Variants in DPP6 observed in about 807,000 individuals in gnomAD.
DPP6 encodes the protein A-type potassium channel modulatory protein DPP6.
DPP6 carries 69 observed loss-of-function variants against 122.6 expected under a neutral mutation model. The ratio of observed to expected loss-of-function variants is 0.56; its 90% confidence interval spans 0.46 to 0.69. DPP6 has a LOEUF of 0.69. Ranked by LOEUF, DPP6 falls within the 30% of genes least tolerant of loss-of-function variation. The pLI is 0.00. For synonymous variants in DPP6, 418 were observed against 433.1 expected (o/e 0.97, Z 0.43); for missense variants, 928 against 1,116.9 (o/e 0.83, Z 2.41).
chr7:153,784,309 T>G, the DPP6 span, among the ~76,000 whole-genome samples: 6 of 152,238 alleles, frequency 3.9e-5, no homozygotes, highest in Non-Finnish European at 8.8e-5. Context: ...AGCATAAATT[T>G]AATTGTAGAA....
At chr7:153,851,473 T>G in the DPP6 span, among the ~76,000 whole-genome samples, 1 of 152,334 alleles carries the variant, frequency 6.6e-6, no homozygotes, top group African/African-American at 2.4e-5. Context: ...TCTGAAACAT[T>G]ATGTCTAACC....
chr7:154,383,890 C>CAAAAA (rs375015144), intron 1 of DPP6, among the ~76,000 whole-genome samples: 1 of 106,552 alleles, frequency 9.4e-6, no homozygotes, highest in African/African-American at 3.7e-5. Context: ...ACTCTGTCTC[C>CAAAAA]AAAAAAAAAA....
chr7:154,513,745 A>C (rs1303706552), intron 3 of DPP6, among the ~76,000 whole-genome samples: 1 of 152,158 alleles, frequency 6.6e-6, no homozygotes, highest in Non-Finnish European at 1.5e-5. Flanking sequence ...GCTTTGTATG[A>C]GGACAGTTTC....
intron 1 of DPP6, among the ~76,000 whole-genome samples, chr7:153,946,023 A>G (rs1367863084): frequency 6.6e-6 from 1 of 152,176 alleles, no homozygotes; most frequent in African/African-American, 2.4e-5. Context: ...TTTCACCTTC[A>G]TTGAAGCTGC....
At chr7:154,029,531 A>G (rs1799120734) in intron 1 of DPP6, among the ~76,000 whole-genome samples, 1 of 150,002 alleles carries the variant, frequency 6.7e-6, no homozygotes, top group Non-Finnish European at 1.5e-5. Flanking sequence ...AAAAAAAGAA[A>G]GAAATTGCCT....
At chr7:153,911,112 T>C (rs1800072189) in intron 1 of DPP6, among the ~76,000 whole-genome samples, 1 of 152,218 alleles carries the variant, frequency 6.6e-6, no homozygotes. Flanking sequence ...CTGGCTGATG[T>C]AGAGGCCTCC....
At chr7:154,627,818 A>C (rs1026526377) in intron 5 of DPP6, among the ~76,000 whole-genome samples, 2 of 152,244 alleles carry the variant, frequency 1.3e-5, no homozygotes, top group African/African-American at 4.8e-5. Context: ...TGAGAGGTAC[A>C]AATGCAACAG....
At chr7:153,787,348 G>A in the DPP6 span, among the ~76,000 whole-genome samples, 1 of 148,252 alleles carries the variant, frequency 6.7e-6, no homozygotes, top group Non-Finnish European at 1.5e-5. Context: ...AGAAAAAAAG[G>A]CAGCAGTATA....
intron 1 of DPP6, among the ~76,000 whole-genome samples, chr7:154,210,643 T>A (rs1256439872): frequency 6.6e-6 from 1 of 152,016 alleles, no homozygotes; most frequent in Non-Finnish European, 1.5e-5. Context: ...AATTCGTTAA[T>A]GAAGTGACCG....
chr7:154,302,479 C>G (rs1352127990), intron 1 of DPP6, among the ~76,000 whole-genome samples: 1 of 152,210 alleles, frequency 6.6e-6, no homozygotes, highest in Non-Finnish European at 1.5e-5. Flanking sequence ...GCCTGGTTCT[C>G]CACCAGTAAT....
At chr7:154,867,362 G>A (rs981629213) in intron 17 of DPP6, among the ~76,000 whole-genome samples, 7 of 152,176 alleles carry the variant, frequency 4.6e-5, no homozygotes, top group East Asian at 1.9e-4. Flanking sequence ...AAGGTCCAGC[G>A]CATCCACACC....
intron 6 of DPP6, among the ~76,000 whole-genome samples, chr7:154,653,231 A>G (rs962479498): frequency 7.2e-5 from 11 of 152,222 alleles, no homozygotes; most frequent in African/African-American, 2.7e-4. Context: ...GCACATGCCT[A>G]ACGCCCCAAC....
intron 10 of DPP6, among the ~76,000 whole-genome samples, chr7:154,792,133 T>C (rs1563215182): frequency 6.6e-6 from 1 of 152,246 alleles, no homozygotes; most frequent in Non-Finnish European, 1.5e-5. Context: ...GACCTTACAT[T>C]TTCTTTCTTG....
At chr7:153,916,802 T>C (rs939082239) in intron 1 of DPP6, among the ~76,000 whole-genome samples, 7 of 152,244 alleles carry the variant, frequency 4.6e-5, no homozygotes, top group Admixed American at 4.6e-4. Context: ...AATGTATTTC[T>C]TTGCCATTTA....
At chr7:154,076,724 C>A (rs1000904710) in intron 1 of DPP6, among the ~76,000 whole-genome samples, 1 of 151,926 alleles carries the variant, frequency 6.6e-6, no homozygotes, top group Non-Finnish European at 1.5e-5. Context: ...TTAAGCATGG[C>A]GTGAAACAAA....
intron 3 of DPP6, among the ~76,000 whole-genome samples, chr7:154,480,207 C>A (rs1250359266): frequency 6.6e-6 from 1 of 152,182 alleles, no homozygotes; most frequent in Non-Finnish European, 1.5e-5. Flanking sequence ...TACCTTAACA[C>A]AAACACCTCA....
chr7:154,396,274 T>A (rs1267382486), intron 1 of DPP6, among the ~76,000 whole-genome samples: 1 of 152,198 alleles, frequency 6.6e-6, no homozygotes, highest in Admixed American at 6.5e-5. Context: ...AAACCAGGGC[T>A]GAGAGATGTT....
chr7:153,985,161 A>G (rs766776673), intron 1 of DPP6, among the ~76,000 whole-genome samples: 5 of 152,268 alleles, frequency 3.3e-5, no homozygotes, highest in Non-Finnish European at 7.3e-5. Flanking sequence ...GTGGAGGTCC[A>G]TGTTTTAAGA....
At position 154,376,748 on chromosome 7, in the gene DPP6, C is replaced by T. The variant is rs563399512; in HGVS notation, c.244-69466C>T. On this transcript the variant is annotated intron_variant, in intron 1 of 25. Transcript: ENST00000377770. ...TAAAGCTAATCTCTCCAGTTAATAG[C>T]TTGCAGCCTGGGCCTCATTAAGTCA... 7.2e-5 allele frequency among the ~76,000 whole-genome samples: 11 copies of T among 152,296 alleles called. No homozygotes were observed. The South Asian group carries it at 2.3e-3, about 32-fold the overall frequency.
Sources: gnomAD v4.1 joint callset for allele counts (sites outside exome capture counted in the v4.1 genomes callset) on GRCh38, gnomAD v4.1.1 for gene constraint, MANE v1.5 for transcripts, NCBI Gene and HGNC (gene_info 2026-07-23, HGNC 2026-07-21) for gene names.